The following EML4 variants were observed in gnomAD, a reference collection of about 807,000 sequenced individuals.
EML4 encodes the protein echinoderm microtubule-associated protein-like 4.
A neutral mutation model predicts 129.0 loss-of-function variants in EML4; 72 were observed. The ratio of observed to expected loss-of-function variants is 0.56; its 90% confidence interval spans 0.46 to 0.68. The LOEUF (loss-of-function observed/expected upper bound fraction) is 0.68. Ranked by LOEUF, EML4 falls within the 30% of genes least tolerant of loss-of-function variation. EML4 has a pLI of 0.00. For missense variants in EML4, 1,363 were observed against 1,190.6 expected (o/e 1.14, Z -2.13); for synonymous variants, 532 against 405.0 (o/e 1.31, Z -3.77).
intron 1 of EML4, among the ~76,000 whole-genome samples, chr2:42,201,062 A>G (rs1032526248): frequency 6.6e-6 from 1 of 152,214 alleles, no homozygotes; most frequent in Non-Finnish European, 1.5e-5. Context: ...TAAGTGAAGG[A>G]TACCTGTATT....
At chr2:42,248,176 A>C (rs1180249825) in intron 2 of EML4, among the ~76,000 whole-genome samples, 1 of 152,038 alleles carries the variant, frequency 6.6e-6, no homozygotes, top group African/African-American at 2.4e-5. Context: ...GAATCTCTCT[A>C]TGTTGCCCAA....
chr2:42,309,282 G>A (rs1307784251), intron 17 of EML4, among the ~76,000 whole-genome samples: 1 of 151,802 alleles, frequency 6.6e-6, no homozygotes, highest in East Asian at 1.9e-4. Flanking sequence ...GGTGGCACAT[G>A]CCTGTGGTCC....
intron 1 of EML4, among the ~76,000 whole-genome samples, chr2:42,234,977 C>T (rs1216507183): frequency 6.6e-6 from 1 of 152,012 alleles, no homozygotes; most frequent in South Asian, 2.1e-4. Context: ...GCCAACGTGG[C>T]GAAACCCCAT....
intron 3 of EML4, among the ~76,000 whole-genome samples, chr2:42,257,886 A>C (rs567164276): frequency 6.6e-6 from 1 of 152,214 alleles, no homozygotes; most frequent in East Asian, 1.9e-4. Context: ...TGTCGTCGTC[A>C]TTACAGAATC....
At chr2:42,203,249 A>T (rs545676909) in intron 1 of EML4, among the ~76,000 whole-genome samples, 3 of 152,278 alleles carry the variant, frequency 2.0e-5, no homozygotes, top group African/African-American at 7.2e-5. Context: ...ACTTAACCTA[A>T]CATTTTCCAT....
intron 1 of EML4, among the ~76,000 whole-genome samples, chr2:42,183,892 A>T (rs1404124386): frequency 3.3e-5 from 5 of 152,110 alleles, no homozygotes; most frequent in African/African-American, 7.2e-5. Flanking sequence ...AGGTCTTAAA[A>T]CAGCTGTTTG....
intron 1 of EML4, chr2:42,169,854 C>T (rs2103765960): frequency 2.2e-6 from 1 of 451,580 alleles, no homozygotes; most frequent in Non-Finnish European, 3.9e-6. Flanking sequence ...TCCTTTCCTC[C>T]CGGAGCCCCT....
At chr2:42,259,760 C>T (rs1478571768) in intron 3 of EML4, among the ~76,000 whole-genome samples, 7 of 121,324 alleles carry the variant, frequency 5.8e-5, no homozygotes, top group African/African-American at 1.6e-4. Context: ...GACGGCGTCT[C>T]GCTCTGTCAC....
chr2:42,187,314 C>T (rs145577077), intron 1 of EML4, among the ~76,000 whole-genome samples: 7 of 152,114 alleles, frequency 4.6e-5, no homozygotes, highest in Admixed American at 3.9e-4. Flanking sequence ...TCCCAAAGTT[C>T]TGGGATTACA....
chr2:42,328,838 A>C, intron 21 of EML4, 48 bp from the exon 22 acceptor site: 2 of 1,504,636 alleles, frequency 1.3e-6, no homozygotes, highest in South Asian at 2.4e-5. Context: ...CATCACAGTT[A>C]TATTTCTTCA....
intron 2 of EML4, 89 bp downstream of exon 2, chr2:42,245,776 T>C (rs1020754061): frequency 6.6e-6 from 8 of 1,219,696 alleles, no homozygotes; most frequent in Admixed American, 2.9e-5. Context: ...TAGTTTCTTA[T>C]GTGGATTACT....
chr2:42,311,899 G>A (rs939646773), intron 17 of EML4, among the ~76,000 whole-genome samples: 1 of 152,094 alleles, frequency 6.6e-6, no homozygotes, highest in Non-Finnish European at 1.5e-5. Context: ...AAACAGAGAT[G>A]AGGTCTCGCT....
intron 1 of EML4, among the ~76,000 whole-genome samples, chr2:42,218,028 C>A (rs928611480): frequency 6.6e-6 from 1 of 152,080 alleles, no homozygotes; most frequent in African/African-American, 2.4e-5. Context: ...CAGGGGTCCC[C>A]AACCCTCCGG....
intron 12 of EML4, 47 bp downstream of exon 12, chr2:42,295,306 T>G (rs914173711): frequency 1.9e-6 from 3 of 1,594,732 alleles, no homozygotes; most frequent in Non-Finnish European, 2.6e-6. Context: ...AAGACTTTAA[T>G]TTTTTTAATT....
chr2:42,262,893 A>G (rs369089327), intron 4 of EML4, among the ~76,000 whole-genome samples: 1 of 152,212 alleles, frequency 6.6e-6, no homozygotes, highest in African/African-American at 2.4e-5. Flanking sequence ...CATTACTCAG[A>G]TGTAAGGAAA....
At position 42,329,907 on chromosome 2, in the gene EML4, C is replaced by G; in HGVS notation, c.2646C>G (p.Thr882=). ...QNETVADTTL[T]KAPVSSTESV... ...AGACTGTAGCGGATACTACTCTAAC[C>G]AAAGCCCCCGTCTCTTCCACTGAAA... The change falls in exon 23 of 23, where the codon ACC becomes ACG. Residue 882 remains threonine, a synonymous_variant. Coordinates refer to ENST00000318522, the MANE Select transcript of EML4 (RefSeq NM_019063.5). 1.2e-6 allele frequency: 2 copies of G among 1,614,022 alleles called. No homozygotes were observed. The highest frequency in any genetic ancestry group is 1.7e-6 in the Non-Finnish European group (2 of 1,180,024).
At chr2:42,284,946 G>A (rs1264123573) in intron 9 of EML4, among the ~76,000 whole-genome samples, 1 of 152,090 alleles carries the variant, frequency 6.6e-6, no homozygotes, top group African/African-American at 2.4e-5. Flanking sequence ...CTGTAAAAAT[G>A]GGAAAACTGA....
At chr2:42,269,047 T>G in intron 6 of EML4, among the ~76,000 whole-genome samples, 1 of 152,190 alleles carries the variant, frequency 6.6e-6, no homozygotes. Flanking sequence ...TCATTGTTAT[T>G]TACCATTTCA....
intron 1 of EML4, among the ~76,000 whole-genome samples, chr2:42,238,726 T>C (rs908847105): frequency 6.6e-6 from 1 of 152,194 alleles, no homozygotes; most frequent in African/African-American, 2.4e-5. Flanking sequence ...ACAATTCTAC[T>C]GCCTCAGCCC....
Sources: allele counts gnomAD v4.1 joint callset (sites outside exome capture counted in the v4.1 genomes callset), GRCh38; gene constraint gnomAD v4.1.1; transcripts MANE v1.5; gene names NCBI Gene and HGNC (gene_info 2026-07-23, HGNC 2026-07-21).